The following TPH1 variants were observed in gnomAD, a reference collection of about 807,000 sequenced individuals.
TPH1 encodes tryptophan 5-hydroxylase 1.
TPH1 carries 37 observed loss-of-function variants against 49.5 expected under a neutral mutation model. The ratio of observed to expected loss-of-function variants is 0.75; its 90% CI spans 0.58 to 0.98. TPH1 has a LOEUF of 0.98. TPH1 is among the 50% of genes least tolerant of loss of function. The probability of loss-of-function intolerance (pLI) is 0.00; values close to 1 mark genes in which losing one functional copy is unlikely to be tolerated. For synonymous variants in TPH1, 160 were observed against 182.1 expected (o/e 0.88, Z 0.98); for missense variants, 487 against 523.6 (o/e 0.93, Z 0.68).
At chr11:18,041,900 T>C (rs1848101251) in intron 1 of TPH1, among the ~76,000 whole-genome samples, 1 of 152,232 alleles carries the variant, frequency 6.6e-6, no homozygotes, top group South Asian at 2.1e-4. Flanking sequence ...CAGTCAAAGT[T>C]AGGGCAGTAA....
Position 18,019,918 on chromosome 11 carries a change from T to C in TPH1, c.*1073A>G. 2.8e-6 allele frequency: 1 copy of C among 357,166 alleles called. No individual in the cohort carries two copies. Among genetic ancestry groups the C allele is most frequent in the Non-Finnish European group, 5.5e-6 (1 of 181,844 alleles). The allele number at this position is 357,166 out of a possible 1,614,324, so 22.1% of individuals were successfully genotyped here. A position where few individuals can be genotyped will look rare whatever the true frequency, so the allele number is the denominator to read the frequency against. On this transcript the variant is annotated 3_prime_UTR_variant, in exon 11 of 11. Coordinates refer to ENST00000682019, the MANE Select transcript of TPH1 (RefSeq NM_004179.3). ...AGTCCTAAACCACTCTTCTTGACCT[T>C]TCTGACATTCTATTTCCTCCCCTTT...
chr11:18,025,846 TAAAG>T (rs1343838813), intron 7 of TPH1, 145 bp from the exon 8 acceptor site: 21 of 1,294,314 alleles, frequency 1.6e-5, no homozygotes, highest in East Asian at 2.5e-5. Flanking sequence ...ACTAATCAAA[TAAAG>T]AAACAATTTT....
chr11:18,023,475 T>C (rs1854386562), intron 9 of TPH1, among the ~76,000 whole-genome samples: 1 of 152,176 alleles, frequency 6.6e-6, no homozygotes, highest in Admixed American at 6.6e-5. Flanking sequence ...AAACAGTTTT[T>C]ACTTAAAATA....
At chr11:18,023,831 G>A (rs1033137252) in intron 9 of TPH1, 57 bp downstream of exon 9, 5 of 1,399,856 alleles carry the variant, frequency 3.6e-6, no homozygotes, top group African/African-American at 1.4e-5. Flanking sequence ...AACTATTTCA[G>A]GTTTTATCAA....
chr11:18,038,308 C>A (rs1268700636), intron 2 of TPH1, among the ~76,000 whole-genome samples: 1 of 152,106 alleles, frequency 6.6e-6, no homozygotes, highest in Non-Finnish European at 1.5e-5. Context: ...CTCCACTAGG[C>A]AGGTGGAGAC....
intron 2 of TPH1, among the ~76,000 whole-genome samples, chr11:18,038,674 T>G (rs1848070431): frequency 6.6e-6 from 1 of 152,200 alleles, no homozygotes; most frequent in South Asian, 2.1e-4. Context: ...GCAAAAAAAT[T>G]AAATGGAACT....
At chr11:18,037,105 TTC>T (rs1419343599) in intron 2 of TPH1, among the ~76,000 whole-genome samples, 1 of 152,162 alleles carries the variant, frequency 6.6e-6, no homozygotes, top group Non-Finnish European at 1.5e-5. Context: ...ACGCCTGTAA[TTC>T]CAACACTCTG....
At chr11:18,038,212 C>T (rs935980761) in intron 2 of TPH1, among the ~76,000 whole-genome samples, 2 of 143,656 alleles carry the variant, frequency 1.4e-5, no homozygotes, top group Admixed American at 6.7e-5. Flanking sequence ...AAGCATATAA[C>T]TTATAAGTGT....
intron 3 of TPH1, among the ~76,000 whole-genome samples, chr11:18,035,357 GTCTT>G (rs961971303): frequency 2.0e-5 from 3 of 150,084 alleles, no homozygotes; most frequent in African/African-American, 4.9e-5. Flanking sequence ...CAAATTGTCT[GTCTT>G]TCTTTTTCTT....
At chr11:18,026,351 C>G in intron 7 of TPH1, 139 bp downstream of exon 7, 1 of 818,056 alleles carries the variant, frequency 1.2e-6, no homozygotes, top group Non-Finnish European at 1.9e-6. Flanking sequence ...AGGTACCATT[C>G]TAAATGCTTC....
At chr11:18,039,816 T>C (rs1366405505) in intron 2 of TPH1, among the ~76,000 whole-genome samples, 1 of 152,146 alleles carries the variant, frequency 6.6e-6, no homozygotes, top group Non-Finnish European at 1.5e-5. Context: ...GCCTGACTGA[T>C]CCATATTTTT....
At chr11:18,028,785 T>C (rs1847953956) in intron 6 of TPH1, among the ~76,000 whole-genome samples, 1 of 152,058 alleles carries the variant, frequency 6.6e-6, no homozygotes, top group African/African-American at 2.4e-5. Flanking sequence ...GCTGTCATTG[T>C]CGGGTGTGGT....
Position 18,022,006 on chromosome 11 carries a change from T to C in TPH1, c.1160+792A>G, listed in dbSNP as rs1590258944. Among the ~76,000 whole-genome samples the C allele has an allele frequency of 2.0e-5, 3 of 152,336 alleles. No individual in the cohort carries two copies. In the East Asian group the frequency reaches 5.8e-4, roughly 29 times the overall value. The stretch of plus-strand genomic sequence containing the variant: ...TAGTATTATTATTTGGTTTCATGAA[T>C]GGCCTAACTCCCCAACTAATGGTTT... On this transcript the variant is annotated intron_variant, in intron 10 of 10. Coordinates refer to ENST00000682019, the MANE Select transcript of TPH1 (RefSeq NM_004179.3).
chr11:18,039,391 C>A (rs553337480), intron 2 of TPH1, among the ~76,000 whole-genome samples: 28 of 152,112 alleles, frequency 1.8e-4, no homozygotes, highest in Non-Finnish European at 4.0e-4. Context: ...CCCACGATCA[C>A]CCAGGTAATA....
rs1484183755 is a variant in TPH1, at chr11:18,018,014, G to A, written c.*2977C>T. The A allele has an allele frequency of 1.3e-5, 2 of 150,760 alleles. No individual in the cohort carries two copies. Among genetic ancestry groups the A allele is most frequent in the African/African-American group, 4.9e-5 (2 of 40,974 alleles). The allele number at this position is 150,760 out of a possible 1,614,324, so 9.3% of individuals were successfully genotyped here. On this transcript the variant is annotated 3_prime_UTR_variant, in exon 11 of 11. Transcript: ENST00000682019. ...GGCCGAGGCGGATGGATCACCTGCG[G>A]TCAGAAGTTCGAGACCAGCCTGGCC... is the stretch of plus-strand genomic sequence containing the variant.
chr11:18,038,467 A>G (rs1447426722), intron 2 of TPH1, among the ~76,000 whole-genome samples: 1 of 152,256 alleles, frequency 6.6e-6, no homozygotes, highest in African/African-American at 2.4e-5. Context: ...ACGCACACAC[A>G]AAGACTACAT....
At chr11:18,029,457 C>G in intron 5 of TPH1, 55 bp downstream of exon 5, 1 of 1,550,876 alleles carries the variant, frequency 6.4e-7, no homozygotes, top group South Asian at 1.1e-5. Context: ...ACAATTTATT[C>G]TATTCACTTA....
Position 18,026,493 on chromosome 11 carries a change from T to C in TPH1, c.800A>G (p.Glu267Gly). The C allele has an allele frequency of 6.2e-7, 1 of 1,610,870 alleles. No individual in the cohort carries two copies. The highest frequency in any genetic ancestry group is 1.1e-5 in the South Asian group (1 of 90,964). ...TGGCTGAAATAGAAGTACTTACGGC[T>C]CTGGGGTATAGAAGGGATCTGAACT... ...RHSSDPFYTP[E>G]PDTCHELLGH... Residue 267 changes from glutamate to glycine, a missense_variant, in exon 7 of 11, where the codon GAG becomes GGG. By Grantham distance (98) the Glu-to-Gly change is moderately conservative. Transcript: ENST00000682019.
At chr11:18,031,391 T>C (rs2134029703) in intron 4 of TPH1, among the ~76,000 whole-genome samples, 2 of 152,316 alleles carry the variant, frequency 1.3e-5, no homozygotes, top group South Asian at 4.1e-4. Context: ...TGTTTCCACT[T>C]TTTTGCTATT....
Sources: allele counts gnomAD v4.1 joint callset (sites outside exome capture counted in the v4.1 genomes callset), GRCh38; gene constraint gnomAD v4.1.1; transcripts MANE v1.5; gene names NCBI Gene and HGNC (gene_info 2026-07-23, HGNC 2026-07-21).